The following NUBPL variants were observed in gnomAD, a reference collection of about 807,000 sequenced individuals.
NUBPL encodes the protein NUBP iron-sulfur cluster assembly factor, mitochondrial.
In NUBPL, 31 loss-of-function variants were observed where a neutral mutation model predicts 45.7. That is an observed-to-expected ratio of 0.68 (90% CI 0.51 to 0.92). NUBPL has a LOEUF of 0.92. Ranked by LOEUF, NUBPL falls within the 40% of genes least tolerant of loss-of-function variation. The pLI, the probability that NUBPL is intolerant of heterozygous loss-of-function variation, is 0.00. For synonymous variants in NUBPL, 144 were observed against 140.9 expected (o/e 1.02, Z -0.15); for missense variants, 401 against 398.7 (o/e 1.01, Z -0.05).
At chr14:31,707,985 A>C (rs1360476033) in intron 6 of NUBPL, among the ~76,000 whole-genome samples, 1 of 152,182 alleles carries the variant, frequency 6.6e-6, no homozygotes, top group Non-Finnish European at 1.5e-5. Context: ...CTCAAAGGCA[A>C]AAAGAAACTG....
chr14:31,611,189 T>G (rs1275916293), intron 4 of NUBPL, among the ~76,000 whole-genome samples: 1 of 151,978 alleles, frequency 6.6e-6, no homozygotes, highest in African/African-American at 2.4e-5. Context: ...ACCTAAAGAC[T>G]CCACAAAAAA....
intron 6 of NUBPL, among the ~76,000 whole-genome samples, chr14:31,719,089 T>G (rs977427325): frequency 2.6e-5 from 4 of 152,126 alleles, no homozygotes; most frequent in African/African-American, 9.7e-5. Flanking sequence ...TAGCCTACAT[T>G]TGGGCAAAAT....
chr14:31,798,521 G>A (rs1172302039), intron 7 of NUBPL, among the ~76,000 whole-genome samples: 9 of 151,316 alleles, frequency 5.9e-5, no homozygotes, highest in African/African-American at 2.2e-4. Flanking sequence ...TGCCAGGTGC[G>A]GTGGCTCACG....
chr14:31,699,159 A>G (rs748087049), intron 6 of NUBPL, among the ~76,000 whole-genome samples: 5 of 152,160 alleles, frequency 3.3e-5, no homozygotes, highest in Non-Finnish European at 7.3e-5. Flanking sequence ...CTGGCCCATA[A>G]TGACTTAAAT....
At chr14:31,564,505 TAAA>T (rs60926550) in intron 2 of NUBPL, among the ~76,000 whole-genome samples, 53 of 112,506 alleles carry the variant, frequency 4.7e-4, no homozygotes, top group Middle Eastern at 4.5e-3. Context: ...ACCCTGTCTG[TAAA>T]AAAAAAAAAA....
At chr14:31,605,890 T>TCTC (rs1566442992) in intron 4 of NUBPL, among the ~76,000 whole-genome samples, 17 of 137,522 alleles carry the variant, frequency 1.2e-4, no homozygotes, top group African/African-American at 4.6e-4. Context: ...CTCCTCCTTG[T>TCTC]CTCCTCCCTT....
chr14:31,725,171 G>A (rs897921443), intron 6 of NUBPL, among the ~76,000 whole-genome samples: 14 of 152,092 alleles, frequency 9.2e-5, no homozygotes, highest in Non-Finnish European at 2.1e-4. Flanking sequence ...GGGATTGAAA[G>A]GTAGAGGTTA....
intron 6 of NUBPL, among the ~76,000 whole-genome samples, chr14:31,677,538 G>T (rs1254491435): frequency 6.6e-6 from 1 of 152,234 alleles, no homozygotes; most frequent in Non-Finnish European, 1.5e-5. Flanking sequence ...ACCTAGTAAT[G>T]CTTGGTTCTT....
intron 6 of NUBPL, among the ~76,000 whole-genome samples, chr14:31,715,251 T>G (rs2037661803): frequency 6.6e-6 from 1 of 152,230 alleles, no homozygotes; most frequent in Non-Finnish European, 1.5e-5. Flanking sequence ...GCTTTATAGT[T>G]TCCCTTTTCT....
chr14:31,637,930 C>G (rs1237169117), intron 4 of NUBPL, among the ~76,000 whole-genome samples: 1 of 151,812 alleles, frequency 6.6e-6, no homozygotes, highest in African/African-American at 2.4e-5. Flanking sequence ...TTTTTATTTT[C>G]CATTTGCTTG....
intron 3 of NUBPL, among the ~76,000 whole-genome samples, chr14:31,591,893 T>C (rs4497586): frequency 0.41 from 61,850 of 151,960 alleles, 14,196 homozygotes; most frequent in East Asian, 0.6. Context: ...TCAACAAATA[T>C]TGAGTTTTTA....
intron 7 of NUBPL, among the ~76,000 whole-genome samples, chr14:31,812,844 C>G (rs2039836171): frequency 6.6e-6 from 1 of 152,144 alleles, no homozygotes; most frequent in Admixed American, 6.5e-5. Flanking sequence ...TGAAGACAGA[C>G]AGACAGACAG....
intron 4 of NUBPL, among the ~76,000 whole-genome samples, chr14:31,624,711 C>G (rs1175191322): frequency 6.6e-6 from 1 of 152,084 alleles, no homozygotes; most frequent in Admixed American, 6.5e-5. Flanking sequence ...ATTACAGGCG[C>G]CTGCCACCAT....
intron 4 of NUBPL, among the ~76,000 whole-genome samples, chr14:31,656,694 A>G (rs1441623890): frequency 2.6e-5 from 4 of 152,180 alleles, no homozygotes; most frequent in African/African-American, 9.7e-5. Context: ...GCCCCACAAC[A>G]ATTACAGTAG....
intron 4 of NUBPL, among the ~76,000 whole-genome samples, chr14:31,602,627 G>A (rs1293482515): frequency 6.6e-6 from 1 of 151,914 alleles, no homozygotes; most frequent in African/African-American, 2.4e-5. Context: ...TAATCTTTTT[G>A]TGCCTCAGAC....
chr14:31,806,289 A>G (rs891425534), intron 7 of NUBPL, among the ~76,000 whole-genome samples: 1 of 152,204 alleles, frequency 6.6e-6, no homozygotes, highest in Non-Finnish European at 1.5e-5. Context: ...AGAGAGCAGC[A>G]GTTCTCCTCT....
chr14:31,601,461 G>T (rs564216025), intron 4 of NUBPL, among the ~76,000 whole-genome samples: 125 of 152,086 alleles, frequency 8.2e-4, no homozygotes, highest in Admixed American at 8.2e-3. Context: ...TCCTTGAAGA[G>T]GTCCTTCACA....
At chr14:31,831,276 C>G (rs968490433) in intron 8 of NUBPL, among the ~76,000 whole-genome samples, 4 of 151,840 alleles carry the variant, frequency 2.6e-5, no homozygotes, top group Non-Finnish European at 5.9e-5. Flanking sequence ...CTCCTGACCT[C>G]AAGCAATCCA....
In NUBPL at chr14:31,565,028, G is replaced by C; in HGVS notation, c.271G>C (p.Ala91Pro). 1 of 1,556,568 alleles carries C rather than the reference G, an allele frequency of 6.4e-7. No homozygotes were observed. The highest frequency in any genetic ancestry group is 8.8e-7 in the Non-Finnish European group (1 of 1,137,602). ...KSTTAVNLALALAANDSSKAI... is the reference protein window; with the variant it reads ...KSTTAVNLALPLAANDSSKAI... ...GTTTCTTACAGTGAATCTTGCACTT[G>C]CACTAGCAGCGAACGATTCGGTAGG... The change falls in exon 3 of 11, where the codon GCA becomes CCA. Residue 91 changes from alanine to proline, a missense_variant. Ala to Pro is a conservative substitution (Grantham distance 27). Coordinates refer to ENST00000281081, the MANE Select transcript of NUBPL (RefSeq NM_025152.3).
Sources: gnomAD v4.1 joint callset for allele counts (sites outside exome capture counted in the v4.1 genomes callset) on GRCh38, gnomAD v4.1.1 for gene constraint, MANE v1.5 for transcripts, NCBI Gene and HGNC (gene_info 2026-07-23, HGNC 2026-07-21) for gene names.